The following EPYC variants were observed in gnomAD, a reference collection of about 807,000 sequenced individuals.
EPYC encodes epiphycan.
EPYC carries 28 observed loss-of-function variants against 30.1 expected under a neutral mutation model. The ratio of observed to expected loss-of-function variants is 0.93; its 90% CI spans 0.69 to 1.28. The LOEUF (loss-of-function observed/expected upper bound fraction) is 1.28. EPYC is among the 50% of genes most tolerant of loss of function. The pLI is 0.00. For missense variants in EPYC, 382 were observed against 383.5 expected (o/e 1.00, Z 0.03); for synonymous variants, 144 against 141.4 (o/e 1.02, Z -0.13).
At chr12:90,971,198 G>A (rs1221648930) in intron 5 of EPYC, among the ~76,000 whole-genome samples, 1 of 152,088 alleles carries the variant, frequency 6.6e-6, no homozygotes, top group African/African-American at 2.4e-5. Flanking sequence ...AGGTGCTCCT[G>A]TAGATGGTGC....
Position 90,978,112 on chromosome 12 carries a change from C to A in EPYC, c.316G>T (p.Val106Phe), listed in dbSNP as rs758543610. Residue 106 changes from valine (V) to phenylalanine (F), a missense_variant, in exon 3 of 7, where the codon GTT becomes TTT. By Grantham distance (50) the Val-to-Phe change is conservative. Coordinates refer to ENST00000261172, the MANE Select transcript of EPYC (RefSeq NM_004950.5). ...SSPQEPEFTG[V>F]LGPHTNEDFP... ...CCTTCATTTGTGTGTGGCCCCAGAA[C>A]CCCTGTGAATTCAGGCTCCTGGGGA... is the stretch of plus-strand genomic sequence containing the variant. 5.7e-6 allele frequency: 9 copies of A among 1,584,954 alleles called. No homozygotes were observed. Among genetic ancestry groups the A allele is most frequent in the Non-Finnish European group, 7.7e-6 (9 of 1,169,862 alleles).
rs1433990447 is a variant in EPYC, at chr12:90,972,725, G to A, written c.499+97C>T. 1.6e-5 allele frequency: 17 copies of A among 1,049,688 alleles called. No homozygotes were observed. In the South Asian group the frequency reaches 2.0e-4, roughly 12 times the overall value. The allele number at this position is 1,049,688 out of a possible 1,614,324, so 65.0% of individuals were successfully genotyped here. A position where few individuals can be genotyped will look rare whatever the true frequency, so the allele number is the denominator to read the frequency against. ...ACTATTGATTCATGAACCAGGCTTT[G>A]GCATTCAAGTTTCATTCTCAGTGCT... On this transcript the variant is annotated intron_variant, in intron 4 of 6. Transcript: ENST00000261172.
At chr12:90,985,463 T>G (rs1565873862) in intron 2 of EPYC, among the ~76,000 whole-genome samples, 1 of 152,074 alleles carries the variant, frequency 6.6e-6, no homozygotes. Context: ...TTATTAAACC[T>G]GGCAACCTTG....
intron 2 of EPYC, among the ~76,000 whole-genome samples, chr12:90,982,161 T>C (rs1467535515): frequency 6.6e-6 from 1 of 151,852 alleles, no homozygotes; most frequent in Non-Finnish European, 1.5e-5. Context: ...GCTCCCTATC[T>C]GCCATCATCA....
intron 3 of EPYC, among the ~76,000 whole-genome samples, chr12:90,976,792 C>T (rs567483223): frequency 1.1e-3 from 160 of 152,168 alleles, no homozygotes; most frequent in Admixed American, 2.0e-3. Flanking sequence ...ATCATGGGGG[C>T]GGCTTCCCTC....
intron 3 of EPYC, among the ~76,000 whole-genome samples, chr12:90,977,162 G>A (rs1365978387): frequency 6.6e-6 from 1 of 152,074 alleles, no homozygotes; most frequent in African/African-American, 2.4e-5. Flanking sequence ...TTGGAATACA[G>A]AGACACTCTA....
At chr12:90,976,647 T>G (rs2120820492) in intron 3 of EPYC, among the ~76,000 whole-genome samples, 1 of 152,290 alleles carries the variant, frequency 6.6e-6, no homozygotes, top group Non-Finnish European at 1.5e-5. Flanking sequence ...TCCCAATGTG[T>G]TCTGGACAGA....
intron 5 of EPYC, among the ~76,000 whole-genome samples, chr12:90,971,418 C>T (rs979452479): frequency 6.6e-6 from 1 of 151,992 alleles, no homozygotes; most frequent in African/African-American, 2.4e-5. Flanking sequence ...ACCTATAATC[C>T]CAGTACTTTG....
rs373213847 is a variant in EPYC at position 90,993,659 on chromosome 12, G to A, written c.165+8742C>T. 1.3e-4 allele frequency among the ~76,000 whole-genome samples: 19 copies of A among 151,622 alleles called. No individual in the cohort carries two copies. In the East Asian group the frequency reaches 1.7e-3, roughly 14 times the overall value. On this transcript the variant is annotated intron_variant, in intron 2 of 6. Transcript: ENST00000261172. ...ATTTTTTCTTTGTCTCACTTTCTAA[G>A]TTTGTATTTGTCACCTCATAACACA...
chr12:90,978,901 T>A (rs1241193665), intron 2 of EPYC, among the ~76,000 whole-genome samples: 3 of 152,160 alleles, frequency 2.0e-5, no homozygotes, highest in Non-Finnish European at 4.4e-5. Context: ...GTGTTTTCAA[T>A]ATTATTAAAA....
chr12:90,987,065 A>G (rs956400833), intron 2 of EPYC, among the ~76,000 whole-genome samples: 1 of 152,184 alleles, frequency 6.6e-6, no homozygotes, highest in African/African-American at 2.4e-5. Flanking sequence ...AGAAAATATT[A>G]TAAAATGGTT....
At chr12:90,992,831 T>A (rs572214142) in intron 2 of EPYC, among the ~76,000 whole-genome samples, 2 of 152,242 alleles carry the variant, frequency 1.3e-5, no homozygotes, top group Admixed American at 6.5e-5. Context: ...AGGTCTGGAG[T>A]GGGATCTGAG....
chr12:90,966,770 TTGTC>T (rs1190308993), intron 6 of EPYC, among the ~76,000 whole-genome samples: 1 of 152,064 alleles, frequency 6.6e-6, no homozygotes, highest in Non-Finnish European at 1.5e-5. Context: ...TGGGAGTGGG[TTGTC>T]TTTTTTGGAA....
chr12:91,002,363 A>T (rs753686865), intron 2 of EPYC, 38 bp downstream of exon 2: 12 of 1,584,470 alleles, frequency 7.6e-6, no homozygotes, highest in Non-Finnish European at 8.6e-6. Context: ...TCCTCATCCT[A>T]TGCTTTTTAA....
chr12:90,968,224 A>T (rs1408825940), intron 6 of EPYC, among the ~76,000 whole-genome samples: 1 of 152,180 alleles, frequency 6.6e-6, no homozygotes, highest in Non-Finnish European at 1.5e-5. Flanking sequence ...GATATGTGAT[A>T]GATATGTGTT....
chr12:91,001,817 C>G (rs747558570), intron 2 of EPYC, among the ~76,000 whole-genome samples: 10 of 151,964 alleles, frequency 6.6e-5, no homozygotes, highest in Non-Finnish European at 1.3e-4. Context: ...CTAATTTTCT[C>G]TGTTCTAACT....
At chr12:90,987,699 T>C (rs149963486) in intron 2 of EPYC, among the ~76,000 whole-genome samples, 19 of 152,276 alleles carry the variant, frequency 1.2e-4, no homozygotes, top group African/African-American at 4.3e-4. Flanking sequence ...TGCTCTGTAT[T>C]TGAGAGAAAG....
At chr12:90,981,935 T>C (rs1271213899) in intron 2 of EPYC, among the ~76,000 whole-genome samples, 3 of 152,180 alleles carry the variant, frequency 2.0e-5, no homozygotes, top group Non-Finnish European at 2.9e-5. Context: ...AAAAAAATGC[T>C]GTTAAGAAAT....
chr12:90,981,820 T>G (rs1877331645), intron 2 of EPYC, among the ~76,000 whole-genome samples: 1 of 152,272 alleles, frequency 6.6e-6, no homozygotes, highest in East Asian at 1.9e-4. Flanking sequence ...CATTCAACAT[T>G]GTGTTTGAAT....
Sources: gnomAD v4.1 joint callset for allele counts (sites outside exome capture counted in the v4.1 genomes callset) on GRCh38, gnomAD v4.1.1 for gene constraint, MANE v1.5 for transcripts, NCBI Gene and HGNC (gene_info 2026-07-23, HGNC 2026-07-21) for gene names.